Variants in CLEC16A observed in about 807,000 individuals in gnomAD.
The protein encoded by CLEC16A is protein CLEC16A.
A neutral mutation model predicts 109.5 loss-of-function variants in CLEC16A; 51 were observed. The observed-to-expected ratio is 0.47, with a 90% CI of 0.37 to 0.59. The LOEUF (loss-of-function observed/expected upper bound fraction) is 0.59. CLEC16A is among the 20% of genes least tolerant of loss of function. CLEC16A has a pLI of 0.00. For synonymous variants in CLEC16A, 673 were observed against 564.2 expected (o/e 1.19, Z -2.73); for missense variants, 1,339 against 1,394.0 (o/e 0.96, Z 0.63).
intron 9 of CLEC16A, among the ~76,000 whole-genome samples, chr16:10,980,589 G>A (rs2043267784): frequency 6.6e-6 from 1 of 152,034 alleles, no homozygotes; most frequent in Non-Finnish European, 1.5e-5. Flanking sequence ...GAACGTCAGT[G>A]GAGAGAGTTA....
intron 19 of CLEC16A, among the ~76,000 whole-genome samples, chr16:11,075,701 T>C (rs1187807855): frequency 6.6e-6 from 1 of 152,048 alleles, no homozygotes; most frequent in Non-Finnish European, 1.5e-5. Context: ...CCTCCCAAAG[T>C]GCTGGGATTA....
intron 22 of CLEC16A, among the ~76,000 whole-genome samples, chr16:11,162,438 C>CT (rs932996156): frequency 6.6e-5 from 10 of 152,052 alleles, no homozygotes; most frequent in African/African-American, 2.4e-4. Flanking sequence ...TTTTTTTTCT[C>CT]TTTTTGGTTT....
Position 11,042,880 on chromosome 16 carries a change from ATATT to A in CLEC16A, c.1770+520_1770+523del, listed in dbSNP as rs34295357. Among the ~76,000 whole-genome samples the A allele has an allele frequency of 4.6e-3, 694 of 149,938 alleles. 2 individuals are homozygous for A. Among genetic ancestry groups the A allele is most frequent in the Middle Eastern group, 0.025 (7 of 280 alleles). On this transcript the variant is annotated intron_variant, in intron 15 of 23. Transcript: ENST00000409790. ...CACACATATTATATATGTAAATAAT[ATATT>A]TAAGTATTATAAGCAAATAATTATA...
chr16:10,978,087 C>T (rs553172004), intron 8 of CLEC16A, among the ~76,000 whole-genome samples: 3 of 152,282 alleles, frequency 2.0e-5, no homozygotes, highest in East Asian at 3.9e-4. Flanking sequence ...ACAGAACTTG[C>T]GCAGCATGGA....
At chr16:11,054,407 G>T (rs889795289) in intron 18 of CLEC16A, among the ~76,000 whole-genome samples, 3 of 152,162 alleles carry the variant, frequency 2.0e-5, no homozygotes, top group African/African-American at 7.2e-5. Context: ...TAGTCTTTTT[G>T]CCCCTCACAT....
chr16:11,104,886 T>C (rs924872355), intron 19 of CLEC16A, among the ~76,000 whole-genome samples: 2 of 152,086 alleles, frequency 1.3e-5, no homozygotes, highest in African/African-American at 4.8e-5. Flanking sequence ...CTGTGGAAGG[T>C]CCAGAGCAGA....
chr16:11,102,977 C>T (rs1236574341), intron 19 of CLEC16A, among the ~76,000 whole-genome samples: 1 of 152,232 alleles, frequency 6.6e-6, no homozygotes, highest in Non-Finnish European at 1.5e-5. Flanking sequence ...AAGCAGCAGG[C>T]GGCCTGGTCC....
chr16:10,945,356 G>C (rs1282172316), intron 1 of CLEC16A, among the ~76,000 whole-genome samples: 1 of 152,164 alleles, frequency 6.6e-6, no homozygotes, highest in Non-Finnish European at 1.5e-5. Flanking sequence ...TAAAAGAACA[G>C]ATTATTTTCC....
chr16:10,976,626 TG>T (rs1795188030), intron 7 of CLEC16A, among the ~76,000 whole-genome samples: 2 of 152,302 alleles, frequency 1.3e-5, no homozygotes, highest in South Asian at 4.1e-4. Flanking sequence ...GCATACTCCT[TG>T]GGGGTGGTGA....
At chr16:11,173,173 A>G (rs1377988986) in intron 23 of CLEC16A, among the ~76,000 whole-genome samples, 1 of 152,130 alleles carries the variant, frequency 6.6e-6, no homozygotes, top group Non-Finnish European at 1.5e-5. Context: ...AGTTTTAAGG[A>G]CAGAAACCCC....
intron 13 of CLEC16A, among the ~76,000 whole-genome samples, chr16:11,036,837 C>T (rs930213631): frequency 2.6e-5 from 4 of 152,172 alleles, no homozygotes; most frequent in Non-Finnish European, 5.9e-5. Context: ...ACATGAGCCA[C>T]CGTGCCCGGC....
At chr16:10,983,141 G>C (rs1027219755) in intron 10 of CLEC16A, 150 bp downstream of exon 10, 1 of 570,204 alleles carries the variant, frequency 1.8e-6, no homozygotes, top group African/African-American at 1.9e-5. Flanking sequence ...CCTAATCAGA[G>C]TCTTGATTGC....
chr16:11,044,510 T>A (rs2047528740), intron 16 of CLEC16A, among the ~76,000 whole-genome samples: 1 of 152,262 alleles, frequency 6.6e-6, no homozygotes, highest in African/African-American at 2.4e-5. Flanking sequence ...TGATATGTGC[T>A]AAGAAACCTT....
At chr16:11,146,103 C>G (rs2054045040) in intron 22 of CLEC16A, among the ~76,000 whole-genome samples, 1 of 152,150 alleles carries the variant, frequency 6.6e-6, no homozygotes, top group East Asian at 1.9e-4. Context: ...GTGGCTCTGT[C>G]CTTGCTTCCT....
At chr16:11,078,648 C>T (rs1472354219) in intron 19 of CLEC16A, among the ~76,000 whole-genome samples, 1 of 152,168 alleles carries the variant, frequency 6.6e-6, no homozygotes. Context: ...GTCTGAACTG[C>T]AGGGCTGCAG....
intron 18 of CLEC16A, among the ~76,000 whole-genome samples, chr16:11,060,401 G>C (rs1332140196): frequency 3.9e-5 from 6 of 152,232 alleles, no homozygotes; most frequent in African/African-American, 1.2e-4. Context: ...TCTTCTGTCT[G>C]CCCCACCCCC....
At chr16:11,054,721 C>A (rs575008815) in intron 18 of CLEC16A, among the ~76,000 whole-genome samples, 1 of 152,196 alleles carries the variant, frequency 6.6e-6, no homozygotes, top group Non-Finnish European at 1.5e-5. Context: ...CACTACGGTT[C>A]CTGTTGCAAG....
chr16:11,045,385 G>A (rs962232580), intron 16 of CLEC16A, among the ~76,000 whole-genome samples: 2 of 152,132 alleles, frequency 1.3e-5, no homozygotes, highest in African/African-American at 4.8e-5. Context: ...TGTCAGTTTT[G>A]GAGGCTGGGA....
At chr16:11,128,857 A>G (rs2053006473) in intron 22 of CLEC16A, among the ~76,000 whole-genome samples, 2 of 152,204 alleles carry the variant, frequency 1.3e-5, no homozygotes. Flanking sequence ...CAGATCTCCC[A>G]AGATTGCAAC....
Sources: allele counts gnomAD v4.1 joint callset (sites outside exome capture counted in the v4.1 genomes callset), GRCh38; gene constraint gnomAD v4.1.1; transcripts MANE v1.5; gene names NCBI Gene and HGNC (gene_info 2026-07-23, HGNC 2026-07-21).